FAM171A1: variants seen among roughly 807,000 people sequenced by gnomAD.
The protein encoded by FAM171A1 is protein FAM171A1.
Under a neutral mutation model 74.9 loss-of-function variants are expected in FAM171A1, and 23 were observed. The ratio of observed to expected loss-of-function variants is 0.31; its 90% CI spans 0.22 to 0.44. The LOEUF (loss-of-function observed/expected upper bound fraction) is 0.44, where lower values mean the gene tolerates loss of function less well. FAM171A1 is among the 20% of genes least tolerant of loss of function. The probability of loss-of-function intolerance (pLI) is 1.00; values close to 1 mark genes in which losing one functional copy is unlikely to be tolerated. For synonymous variants in FAM171A1, 527 were observed against 505.7 expected (o/e 1.04, Z -0.57); for missense variants, 1,162 against 1,159.2 (o/e 1.00, Z -0.03).
intron 4 of FAM171A1, among the ~76,000 whole-genome samples, chr10:15,250,144 C>T (rs773005685): frequency 3.9e-5 from 6 of 152,216 alleles, no homozygotes; most frequent in Non-Finnish European, 8.8e-5. Context: ...AATTTCTACA[C>T]AGCTAATGCC....
chr10:15,245,683 GC>G (rs966873838), intron 5 of FAM171A1, among the ~76,000 whole-genome samples: 3 of 152,196 alleles, frequency 2.0e-5, no homozygotes, highest in Non-Finnish European at 4.4e-5. Context: ...ACACCACTGT[GC>G]CCCCCAGACT....
chr10:15,353,183 G>A (rs1219293951), intron 1 of FAM171A1, among the ~76,000 whole-genome samples: 1 of 152,156 alleles, frequency 6.6e-6, no homozygotes, highest in Non-Finnish European at 1.5e-5. Context: ...AGAAGAGGGT[G>A]AGAAGTGAAA....
At chr10:15,350,158 AAAAC>A (rs201511794) in intron 1 of FAM171A1, among the ~76,000 whole-genome samples, 15 of 152,200 alleles carry the variant, frequency 9.9e-5, no homozygotes, top group African/African-American at 4.8e-5. Context: ...GATAATTTTG[AAAAC>A]AAACAAACAA....
intron 1 of FAM171A1, among the ~76,000 whole-genome samples, chr10:15,294,973 T>C (rs907070449): frequency 6.6e-6 from 1 of 152,228 alleles, no homozygotes; most frequent in Non-Finnish European, 1.5e-5. Flanking sequence ...TGGAGTGCAG[T>C]GGCGCGATCT....
At chr10:15,268,764 T>C (rs748356513) in intron 3 of FAM171A1, among the ~76,000 whole-genome samples, 16 of 151,986 alleles carry the variant, frequency 1.1e-4, no homozygotes, top group Non-Finnish European at 2.4e-4. Context: ...AGAAAGAAAG[T>C]TGGGCCAGGC....
intron 1 of FAM171A1, among the ~76,000 whole-genome samples, chr10:15,350,839 C>T (rs1424014914): frequency 1.3e-5 from 2 of 152,068 alleles, no homozygotes; most frequent in Admixed American, 1.3e-4. Context: ...GACAGGGTTT[C>T]GCCATGTTAA....
chr10:15,293,990 G>A (rs1835132306), intron 1 of FAM171A1, among the ~76,000 whole-genome samples: 1 of 152,132 alleles, frequency 6.6e-6, no homozygotes, highest in Non-Finnish European at 1.5e-5. Flanking sequence ...CATTCTGGTT[G>A]GCAGAATTTG....
intron 1 of FAM171A1, among the ~76,000 whole-genome samples, chr10:15,362,637 T>C (rs956797218): frequency 1.3e-5 from 2 of 152,160 alleles, no homozygotes; most frequent in Admixed American, 6.5e-5. Flanking sequence ...GGCAGGGGAA[T>C]CTCTTGAACC....
chr10:15,352,923 G>A (rs1341384988), intron 1 of FAM171A1, among the ~76,000 whole-genome samples: 1 of 152,188 alleles, frequency 6.6e-6, no homozygotes, highest in African/African-American at 2.4e-5. Context: ...TGCACATGAA[G>A]TCACTGAGGG....
At chr10:15,347,722 G>GT (rs1835832540) in intron 1 of FAM171A1, among the ~76,000 whole-genome samples, 1 of 150,732 alleles carries the variant, frequency 6.6e-6, no homozygotes, top group Non-Finnish European at 1.5e-5. Context: ...TGTAGTCTCA[G>GT]CTACTTGGAG....
chr10:15,246,888 G>A (rs1359770489), intron 5 of FAM171A1, among the ~76,000 whole-genome samples: 4 of 152,216 alleles, frequency 2.6e-5, no homozygotes, highest in Non-Finnish European at 4.4e-5. Flanking sequence ...GAGGCCCCAC[G>A]CTGCCAAGAC....
chr10:15,248,896 G>A (rs1234920087), intron 4 of FAM171A1, 81 bp from the exon 5 acceptor site: 11 of 1,330,996 alleles, frequency 8.3e-6, no homozygotes, highest in East Asian at 5.1e-5. Context: ...AAAAATAGTC[G>A]CAGCTACCAT....
At chr10:15,316,342 G>A (rs1055018476) in intron 1 of FAM171A1, among the ~76,000 whole-genome samples, 1 of 152,320 alleles carries the variant, frequency 6.6e-6, no homozygotes, top group South Asian at 2.1e-4. Flanking sequence ...GGAGGGCAGC[G>A]CGTGGCCTCC....
chr10:15,362,674 A>C lies in FAM171A1; in HGVS notation c.97+8282T>G, dbSNP rs550816428. On this transcript the variant is annotated intron_variant, in intron 1 of 7. Coordinates refer to ENST00000378116, the MANE Select transcript of FAM171A1 (RefSeq NM_001010924.2). ...AGGAGGCAGAGGTTGCAGTGAGCTG[A>C]GAGGGTGCCACTGCACTCCAGCCTA... Among the ~76,000 whole-genome samples, 5 of 152,368 alleles carry C rather than the reference A, an allele frequency of 3.3e-5. No homozygotes were observed. The South Asian group carries it at 1.0e-3, about 32-fold the overall frequency.
chr10:15,266,885 A>AAG lies in FAM171A1; in HGVS notation c.418+8968_418+8969dup, dbSNP rs1204139062. ...CTGTTTCAAAAAAAAAAAAAAAAAA[A>AAG]AGAGAGAGAGAAAAGTTGAGGCCAT... is the stretch of plus-strand genomic sequence containing the variant. On this transcript the variant is annotated intron_variant, in intron 3 of 7. Transcript: ENST00000378116. 6.6e-5 allele frequency among the ~76,000 whole-genome samples: 10 copies of AAG among 150,576 alleles called. 1 individual carries two copies. Among genetic ancestry groups the AAG allele is most frequent in the African/African-American group, 1.7e-4 (7 of 40,624 alleles).
chr10:15,284,089 C>T lies in FAM171A1; in HGVS notation c.114G>A (p.Val38=), dbSNP rs771808996. The part of the protein sequence containing the change: ...GAGAQEVTLK[V]HISDASTHQP... ...GGTGGGTGCTGGCGTCGCTGATGTG[C>T]ACCTTTAACGTCACCTCTGGAGGTA... Residue 38 remains valine (V), a synonymous_variant, in exon 2 of 8, where the codon GTG becomes GTA. Coordinates refer to ENST00000378116, the MANE Select transcript of FAM171A1 (RefSeq NM_001010924.2). The T allele has an allele frequency of 2.5e-6, 4 of 1,613,414 alleles. No homozygotes were observed. Among genetic ancestry groups the T allele is most frequent in the Non-Finnish European group, 3.4e-6 (4 of 1,180,010 alleles).
intron 1 of FAM171A1, among the ~76,000 whole-genome samples, chr10:15,336,452 G>C (rs1438226074): frequency 6.6e-6 from 1 of 152,038 alleles, no homozygotes; most frequent in East Asian, 1.9e-4. Context: ...TGTGGTGTTT[G>C]TAAGAGCACA....
intron 2 of FAM171A1, among the ~76,000 whole-genome samples, chr10:15,281,458 A>C (rs1405189479): frequency 6.6e-6 from 1 of 152,182 alleles, no homozygotes; most frequent in Non-Finnish European, 1.5e-5. Flanking sequence ...TGATGGGCCG[A>C]TATGTGTGGG....
intron 2 of FAM171A1, among the ~76,000 whole-genome samples, chr10:15,281,853 T>C (rs914468268): frequency 6.6e-5 from 10 of 152,074 alleles, no homozygotes; most frequent in Non-Finnish European, 1.3e-4. Flanking sequence ...AGAATGAGAC[T>C]GTCTCCAAAA....
Sources: allele counts gnomAD v4.1 joint callset (sites outside exome capture counted in the v4.1 genomes callset), GRCh38; gene constraint gnomAD v4.1.1; transcripts MANE v1.5; gene names NCBI Gene and HGNC (gene_info 2026-07-23, HGNC 2026-07-21).